The following CPLANE1 variants were observed in gnomAD, a reference collection of about 807,000 sequenced individuals.
CPLANE1 encodes ciliogenesis and planar polarity effector complex subunit 1.
In CPLANE1, 263 loss-of-function variants were observed where a neutral mutation model predicts 362.5. The observed-to-expected ratio is 0.73, with a 90% confidence interval of 0.66 to 0.80. The LOEUF (loss-of-function observed/expected upper bound fraction) is 0.80, where lower values mean the gene tolerates loss of function less well. CPLANE1 is among the 30% of genes least tolerant of loss of function. The pLI, the probability that CPLANE1 is intolerant of heterozygous loss-of-function variation, is 0.00. For missense variants in CPLANE1, 3,461 were observed against 3,793.4 expected (o/e 0.91, Z 2.30); for synonymous variants, 1,212 against 1,302.6 (o/e 0.93, Z 1.50).
chr5:37,167,419 T>A (rs922716208), intron 34 of CPLANE1, among the ~76,000 whole-genome samples: 8 of 152,222 alleles, frequency 5.3e-5, no homozygotes, highest in African/African-American at 1.7e-4. Context: ...AAGTTTCAAA[T>A]GGGTCATCCT....
In CPLANE1 at chr5:37,182,831, T is replaced by C. The variant is rs1783046458; in HGVS notation, c.5350A>G (p.Ile1784Val). The C allele has an allele frequency of 6.2e-7, 1 of 1,613,674 alleles. No individual in the cohort carries two copies. The change falls in exon 26 of 53, where the codon ATT becomes GTT. Residue 1784 changes from isoleucine to valine, a missense_variant. Around this residue, in one of 2 missense-constraint regions of CPLANE1, gnomAD observed 3,380 missense variants for 3,666.1 expected, o/e 0.92. Transcript: ENST00000651892. ...TCCAAAAGCCATAATGATGTAAGAA[T>C]GGCAGCTGTAGAGGTCTTTACACGA... ...VIRVKTSTAA[I>V]LTSLWLLEQP...
At chr5:37,102,532 G>GT (rs1371123110), downstream of CPLANE1, among the ~76,000 whole-genome samples, 1 of 152,042 alleles carries the variant, frequency 6.6e-6, no homozygotes, top group African/African-American at 2.4e-5. Flanking sequence ...AGACCTTTTT[G>GT]TTGTGGGGAT....
Position 37,183,456 on chromosome 5 carries a change from T to A in CPLANE1, c.4725A>T (p.Pro1575=). 2 of 1,613,666 alleles carry A rather than the reference T, an allele frequency of 1.2e-6. No homozygotes were observed. Residue 1575 remains proline, a synonymous_variant, in exon 26 of 53, where the codon CCA becomes CCT. Coordinates refer to ENST00000651892, the MANE Select transcript of CPLANE1 (RefSeq NM_001384732.1). ...DLPYSRDADI[P]FLTSFSGKLR... is the part of the protein sequence containing the mutation. The stretch of plus-strand genomic sequence containing the variant: ...GCTTTCCAGAAAAACTAGTTAGAAA[T>A]GGAATGTCAGCATCCCTGGAATAAG...
At chr5:37,212,148 A>G in intron 16 of CPLANE1, 1 of 1,074,718 alleles carries the variant, frequency 9.3e-7, no homozygotes, top group Middle Eastern at 2.0e-4. Flanking sequence ...ATCACTGAAG[A>G]TTGAAATGGA....
intron 9 of CPLANE1, among the ~76,000 whole-genome samples, chr5:37,229,009 T>G (rs1797070488): frequency 6.6e-6 from 1 of 150,858 alleles, no homozygotes; most frequent in East Asian, 2.0e-4. Context: ...ATCACGAGGT[T>G]AGGAGTTTGA....
At chr5:37,157,252 G>T in intron 41 of CPLANE1, 61 bp downstream of exon 41, 2 of 1,059,170 alleles carry the variant, frequency 1.9e-6, no homozygotes, top group Non-Finnish European at 2.6e-6. Context: ...AAATTTTGGT[G>T]CTTGTTTCCA....
intron 43 of CPLANE1, among the ~76,000 whole-genome samples, chr5:37,145,094 A>G (rs1442523199): frequency 6.6e-6 from 1 of 152,130 alleles, no homozygotes; most frequent in Admixed American, 6.5e-5. Flanking sequence ...TCACAAGGTC[A>G]AGAGACTGAG....
Position 37,138,844 on chromosome 5 carries a change from A to G in CPLANE1, c.8668T>C (p.Ser2890Pro), listed in dbSNP as rs901799204. ...NSSDELCESV[S>P]VHPLQMTGLT... ...CCAGTCATCTGGAGCGGATGTACTG[A>G]AACACTTCATTTGCAAATGTAATTT... The change falls in exon 46 of 53, where the codon TCA becomes CCA. Residue 2890 changes from serine to proline, a missense_variant. This residue lies in a region of CPLANE1 where 3,380 missense variants were observed against 3,666.1 expected (regional missense o/e 0.92). Coordinates refer to ENST00000651892, the MANE Select transcript of CPLANE1 (RefSeq NM_001384732.1). The G allele has an allele frequency of 9.4e-6, 15 of 1,601,864 alleles. No individual in the cohort carries two copies. Among genetic ancestry groups the G allele is most frequent in the Non-Finnish European group, 1.3e-5 (15 of 1,176,936 alleles).
intron 21 of CPLANE1, among the ~76,000 whole-genome samples, chr5:37,190,791 A>G (rs1785317490): frequency 6.6e-6 from 1 of 152,218 alleles, no homozygotes; most frequent in African/African-American, 2.4e-5. Flanking sequence ...ATGACATCAT[A>G]GTCCACACAT....
At chr5:37,156,793 A>G (rs1372822615) in intron 41 of CPLANE1, among the ~76,000 whole-genome samples, 1 of 152,190 alleles carries the variant, frequency 6.6e-6, no homozygotes, top group Non-Finnish European at 1.5e-5. Flanking sequence ...AAGACAGAGA[A>G]GGAGGGAGGA....
intron 44 of CPLANE1, chr5:37,141,036 C>T: frequency 1.0e-5 from 10 of 985,418 alleles, no homozygotes; most frequent in Non-Finnish European, 1.2e-5. Context: ...CACGTTCCCC[C>T]TCTCCTCCTC....
chr5:37,146,565 T>C (rs1771665786), intron 43 of CPLANE1, among the ~76,000 whole-genome samples: 1 of 152,222 alleles, frequency 6.6e-6, no homozygotes, highest in Admixed American at 6.5e-5. Context: ...TAAAGGAGTG[T>C]CAATATTATT....
intron 8 of CPLANE1, 38 bp downstream of exon 8, chr5:37,238,819 G>GA (rs1799639822): frequency 7.3e-6 from 9 of 1,236,408 alleles, no homozygotes; most frequent in East Asian, 5.2e-5. Flanking sequence ...TCTTTTAAAA[G>GA]AAAAAAAGAA....
rs772877798 is a variant in CPLANE1, at chr5:37,201,703, A to G, written c.3395T>C (p.Leu1132Pro). 1.9e-6 allele frequency: 3 copies of G among 1,614,038 alleles called. No homozygotes were observed. The East Asian group carries it at 6.7e-5, about 36-fold the overall frequency. Residue 1132 changes from leucine to proline, a missense_variant, in exon 19 of 53, where the codon CTT (leucine) becomes CCT (proline). Physicochemically the swap from Leu to Pro is moderately conservative, Grantham distance 98. Transcript: ENST00000651892. ...DADILSETFQ[L>P]LIDSAKDFSK... ...GAAGTCCTTGGCAGAGTCTATCAGA[A>G]GTTGAAATGTCTCCGAAAGAATATC...
chr5:37,239,978 T>A lies in CPLANE1; in HGVS notation c.678-109A>T, dbSNP rs1282294027. 4.5e-6 allele frequency: 3 copies of A among 669,994 alleles called. No individual in the cohort carries two copies. In the African/African-American group the frequency reaches 5.5e-5, roughly 12 times the overall value. The allele number at this position is 669,994 out of a possible 1,614,324, so 41.5% of individuals were successfully genotyped here. A position where few individuals can be genotyped will look rare whatever the true frequency, so the allele number is the denominator to read the frequency against. On this transcript the variant is annotated intron_variant, in intron 6 of 52. Transcript: ENST00000651892. The stretch of plus-strand genomic sequence containing the variant: ...CCATCCAAATTCCTACATGTGCACA[T>A]GTACTTAGGGAATATTTTAGAGACT...
At chr5:37,118,718 C>T (rs200178448) in intron 50 of CPLANE1, among the ~76,000 whole-genome samples, 1 of 142,558 alleles carries the variant, frequency 7.0e-6, no homozygotes. Context: ...TGTTATTTTA[C>T]TTTTTTTTTT....
At chr5:37,077,420 T>A in the CPLANE1 span, among the ~76,000 whole-genome samples, 1 of 152,192 alleles carries the variant, frequency 6.6e-6, no homozygotes, top group South Asian at 2.1e-4. Flanking sequence ...GCTGCTTTTG[T>A]CTTCTGTCTT....
At chr5:37,208,604 G>A (rs1254686311) in intron 16 of CPLANE1, among the ~76,000 whole-genome samples, 1 of 151,686 alleles carries the variant, frequency 6.6e-6, no homozygotes, top group Non-Finnish European at 1.5e-5. Flanking sequence ...ACGAGCCCAG[G>A]AGGCGGAGCT....
At chr5:37,195,764 G>T in intron 21 of CPLANE1, 94 bp downstream of exon 21, 1 of 1,176,558 alleles carries the variant, frequency 8.5e-7, no homozygotes, top group Non-Finnish European at 1.2e-6. Context: ...AAATATCAGA[G>T]CATATTGTAC....
Sources: allele counts gnomAD v4.1 joint callset (sites outside exome capture counted in the v4.1 genomes callset), GRCh38; gene constraint gnomAD v4.1.1; regional missense constraint gnomAD v4.1.1; transcripts MANE v1.5; gene names NCBI Gene and HGNC (gene_info 2026-07-23, HGNC 2026-07-21).